Variants in CDH4 observed in about 807,000 individuals in gnomAD.
CDH4 encodes cadherin-4.
In CDH4, 33 loss-of-function variants were observed where a neutral mutation model predicts 86.0. The observed-to-expected ratio is 0.38, with a 90% confidence interval of 0.29 to 0.51. The LOEUF (loss-of-function observed/expected upper bound fraction) is 0.51, where lower values mean the gene tolerates loss of function less well. Ranked by LOEUF, CDH4 falls within the 20% of genes least tolerant of loss-of-function variation. The pLI is 0.86. For synonymous variants in CDH4, 555 were observed against 549.4 expected (o/e 1.01, Z -0.14); for missense variants, 1,114 against 1,307.4 (o/e 0.85, Z 2.28).
intron 9 of CDH4, among the ~76,000 whole-genome samples, chr20:61,920,407 TGTG>T (rs964388356): frequency 6.1e-5 from 7 of 115,548 alleles, no homozygotes; most frequent in Admixed American, 1.8e-4. Flanking sequence ...TGTGTGGAAG[TGTG>T]GTGTGATTGC....
At chr20:61,399,716 C>A (rs6061720) in intron 2 of CDH4, among the ~76,000 whole-genome samples, 74,751 of 152,092 alleles carry the variant, frequency 0.49, 19,280 homozygotes, top group African/African-American at 0.64. Context: ...TTGGCCTCTC[C>A]AGTTCCCTTT....
chr20:61,565,113 C>CTCTTGG lies in CDH4; in HGVS notation c.170-178449_170-178448insCTTGGT, dbSNP rs1190588025. Among the ~76,000 whole-genome samples the CTCTTGG allele has an allele frequency of 7.4e-3, 426 of 57,468 alleles. 2 individuals carry two copies. The highest frequency in any genetic ancestry group is 0.036 in the Middle Eastern group (3 of 84). 37.7% of individuals were successfully genotyped at this position (57,468 alleles called of 152,430 possible). ...GCTCTTGGTGGTGCTCTTGGTGGTG[C>CTCTTGG]TGGTGCTCTTGGTGGTGCTGGTCCT... On this transcript the variant is annotated intron_variant, in intron 2 of 15. Coordinates refer to ENST00000614565, the MANE Select transcript of CDH4 (RefSeq NM_001794.5).
At chr20:61,285,266 C>A (rs1317442521) in intron 2 of CDH4, among the ~76,000 whole-genome samples, 1 of 152,212 alleles carries the variant, frequency 6.6e-6, no homozygotes, top group Non-Finnish European at 1.5e-5. Flanking sequence ...GGTTACGAAG[C>A]CACGAAGCAG....
At chr20:61,898,263 G>T (rs181678645) in intron 8 of CDH4, among the ~76,000 whole-genome samples, 1 of 152,382 alleles carries the variant, frequency 6.6e-6, no homozygotes, top group East Asian at 1.9e-4. Flanking sequence ...ATCAGCAGAA[G>T]CTACAGAGAT....
chr20:61,549,724 C>T (rs2086113767), intron 2 of CDH4, among the ~76,000 whole-genome samples: 1 of 152,182 alleles, frequency 6.6e-6, no homozygotes, highest in Non-Finnish European at 1.5e-5. Flanking sequence ...TCAGAGATGC[C>T]GAGATTGCAG....
chr20:61,556,321 C>T (rs2086177186), intron 2 of CDH4, among the ~76,000 whole-genome samples: 1 of 152,112 alleles, frequency 6.6e-6, no homozygotes, highest in Non-Finnish European at 1.5e-5. Flanking sequence ...ATCTCTCAGG[C>T]CTTTTATGAT....
intron 2 of CDH4, among the ~76,000 whole-genome samples, chr20:61,366,240 T>C (rs1326114101): frequency 1.3e-5 from 2 of 152,208 alleles, no homozygotes; most frequent in Non-Finnish European, 2.9e-5. Flanking sequence ...AATTCATTCC[T>C]AGCAGTTCTC....
At chr20:61,755,469 C>G (rs1400302421) in intron 3 of CDH4, among the ~76,000 whole-genome samples, 1 of 143,438 alleles carries the variant, frequency 7.0e-6, no homozygotes, top group Non-Finnish European at 1.5e-5. Flanking sequence ...ACCACACACA[C>G]ACCATACACA....
intron 2 of CDH4, among the ~76,000 whole-genome samples, chr20:61,686,585 ATG>A (rs1311179853): frequency 5.6e-5 from 8 of 143,768 alleles, no homozygotes; most frequent in South Asian, 2.2e-4. Context: ...GTGTGCATTC[ATG>A]TGTGTGCATG....
intron 5 of CDH4, among the ~76,000 whole-genome samples, chr20:61,845,961 G>A (rs112388548): frequency 0.037 from 5,563 of 152,354 alleles, 201 homozygotes; most frequent in African/African-American, 0.08. Flanking sequence ...GAACCCTCCG[G>A]CTTTTCCACG....
At position 61,880,099 on chromosome 20, in the gene CDH4, T is replaced by C. The variant is rs560017235; in HGVS notation, c.1050+6199T>C. ...TCTGTTCTACTGCTCAGGATATCGT[T>C]CTCACCACCATCGACTTTAGTTAAT... On this transcript the variant is annotated intron_variant, in intron 7 of 15. Transcript: ENST00000614565. Among the ~76,000 whole-genome samples the C allele has an allele frequency of 2.7e-4, 41 of 152,338 alleles. 1 individual carries two copies. In the South Asian group the frequency reaches 8.5e-3, roughly 32 times the overall value.
At chr20:61,682,845 G>A (rs1287739157) in intron 2 of CDH4, among the ~76,000 whole-genome samples, 3 of 152,052 alleles carry the variant, frequency 2.0e-5, no homozygotes, top group African/African-American at 7.2e-5. Context: ...TTATGGAAAC[G>A]TTCTTATTGT....
At chr20:61,857,985 G>C (rs1375357419) in intron 6 of CDH4, among the ~76,000 whole-genome samples, 1 of 151,124 alleles carries the variant, frequency 6.6e-6, no homozygotes, top group African/African-American at 2.4e-5. Context: ...CTGTGTCTGA[G>C]TGTGTGTGTC....
In CDH4 at chr20:61,517,070, C is replaced by T. The variant is rs2085827240; in HGVS notation, c.170-226493C>T. ...CCAGCACCCAGCTTGAGTCACACTC[C>T]ATCTGCCCTTCCAGAAAGCTCCCTC... On this transcript the variant is annotated intron_variant, in intron 2 of 15. Coordinates refer to ENST00000614565, the MANE Select transcript of CDH4 (RefSeq NM_001794.5). The surrounding 1 kb of genome is among the most constrained non-coding windows in gnomAD (Gnocchi z 6.6). 1.3e-5 allele frequency among the ~76,000 whole-genome samples: 2 copies of T among 152,232 alleles called. No homozygotes were observed. The highest frequency in any genetic ancestry group is 2.9e-5 in the Non-Finnish European group (2 of 68,044).
intron 2 of CDH4, among the ~76,000 whole-genome samples, chr20:61,656,296 GGTGGGTAGGCACGTGCTGAA>G (rs1405980648): frequency 1.6e-3 from 178 of 113,232 alleles, no homozygotes; most frequent in African/African-American, 5.0e-3. Context: ...CGCGTGCTGG[GGTGGGTAGGCACGTGCTGAA>G]GTGGGCAGGC....
chr20:61,345,274 C>G (rs936837650), intron 2 of CDH4, among the ~76,000 whole-genome samples: 1 of 152,204 alleles, frequency 6.6e-6, no homozygotes, highest in African/African-American at 2.4e-5. Context: ...AGAGTGACAA[C>G]ACGCCATGTT....
intron 9 of CDH4, among the ~76,000 whole-genome samples, chr20:61,916,851 A>C (rs1177146845): frequency 6.6e-6 from 1 of 152,146 alleles, no homozygotes; most frequent in African/African-American, 2.4e-5. Flanking sequence ...CTCTAAACCG[A>C]CTTAGCTTCT....
At chr20:61,761,215 A>G (rs895815345) in intron 3 of CDH4, among the ~76,000 whole-genome samples, 5 of 152,152 alleles carry the variant, frequency 3.3e-5, no homozygotes, top group East Asian at 1.9e-4. Context: ...TAGGTTTGAC[A>G]TTTAGGGGAG....
At chr20:61,727,569 G>A (rs995998005) in intron 2 of CDH4, among the ~76,000 whole-genome samples, 10 of 152,204 alleles carry the variant, frequency 6.6e-5, no homozygotes, top group African/African-American at 1.9e-4. Context: ...ATCGGCTCAC[G>A]GTTCTGCAGG....
Sources: gnomAD v4.1 joint callset for allele counts (sites outside exome capture counted in the v4.1 genomes callset) on GRCh38, gnomAD v4.1.1 for gene constraint, Gnocchi (gnomAD v3.1) non-coding constraint, MANE v1.5 for transcripts, NCBI Gene and HGNC (gene_info 2026-07-23, HGNC 2026-07-21) for gene names.